The following TNR variants were observed in gnomAD, a reference collection of about 807,000 sequenced individuals.
The protein encoded by TNR is tenascin R, also known as tenascin-R.
In TNR, 45 loss-of-function variants were observed where a neutral mutation model predicts 150.4. The ratio of observed to expected loss-of-function variants is 0.30; its 90% CI spans 0.24 to 0.38. The LOEUF (loss-of-function observed/expected upper bound fraction) is 0.38, where lower values mean the gene tolerates loss of function less well. Ranked by LOEUF, TNR falls within the 10% of genes least tolerant of loss-of-function variation. The pLI, the probability that TNR is intolerant of heterozygous loss-of-function variation, is 1.00. For missense variants in TNR, 1,544 were observed against 1,759.1 expected (o/e 0.88, Z 2.19); for synonymous variants, 687 against 678.4 (o/e 1.01, Z -0.20).
intron 1 of TNR, among the ~76,000 whole-genome samples, chr1:175,688,625 A>G (rs148757975): frequency 5.9e-5 from 9 of 152,352 alleles, no homozygotes; most frequent in African/African-American, 2.2e-4. Flanking sequence ...TGCAATTTGC[A>G]TGGTGTGGGT....
chr1:175,664,585 C>T (rs1275063499), intron 1 of TNR, among the ~76,000 whole-genome samples: 3 of 152,182 alleles, frequency 2.0e-5, no homozygotes, highest in African/African-American at 4.8e-5. Flanking sequence ...CATCTAGCAC[C>T]TGTGTGAGTC....
chr1:175,365,205 A>T lies in TNR; in HGVS notation c.2392T>A (p.Ser798Thr), dbSNP rs1316734179. The change falls in exon 12 of 23, where the codon TCT becomes ACT. Residue 798 changes from serine (S) to threonine (T), a missense_variant. Around this residue, in one of 2 missense-constraint regions of TNR, gnomAD observed 1,254 missense variants for 1,329.4 expected, o/e 0.94. Transcript: ENST00000367674. The stretch of plus-strand genomic sequence containing the variant: ...AGAATGAGTCTGTCTGCTGGGGGAG[A>T]TGGATCACTCCAAGTGATGTTCACA... ...SSVNITWSDP[S>T]PPADRLILNY... 1.2e-6 allele frequency: 2 copies of T among 1,613,886 alleles called. No individual in the cohort carries two copies. The highest frequency in any genetic ancestry group is 1.7e-6 in the Non-Finnish European group (2 of 1,179,998).
chr1:175,395,000 G>T (rs143889580), intron 5 of TNR, among the ~76,000 whole-genome samples: 27 of 152,234 alleles, frequency 1.8e-4, no homozygotes, highest in African/African-American at 6.3e-4. Flanking sequence ...ATGGTGACCT[G>T]CCTCTCTGCA....
chr1:175,633,679 T>C (rs768062624), intron 1 of TNR, among the ~76,000 whole-genome samples: 3 of 152,124 alleles, frequency 2.0e-5, no homozygotes, highest in Non-Finnish European at 2.9e-5. Flanking sequence ...GTACATTCCA[T>C]ATTATAAATA....
chr1:175,676,800 G>T (rs1420690129), intron 1 of TNR, among the ~76,000 whole-genome samples: 1 of 152,172 alleles, frequency 6.6e-6, no homozygotes, highest in East Asian at 1.9e-4. Context: ...ATGCCACAAA[G>T]AACCACGGGA....
intron 1 of TNR, among the ~76,000 whole-genome samples, chr1:175,664,171 C>T (rs151212738): frequency 2.0e-5 from 3 of 152,332 alleles, no homozygotes; most frequent in East Asian, 1.9e-4. Context: ...TTGTTTTTCT[C>T]CTTGACCAGC....
intron 1 of TNR, among the ~76,000 whole-genome samples, chr1:175,668,609 C>T (rs1391313327): frequency 6.6e-6 from 1 of 152,144 alleles, no homozygotes; most frequent in African/African-American, 2.4e-5. Context: ...TGACACCTGG[C>T]ATCTCAAAAA....
chr1:175,697,108 T>C (rs79221122), intron 1 of TNR, among the ~76,000 whole-genome samples: 3,289 of 151,936 alleles, frequency 0.022, 124 homozygotes, highest in African/African-American at 0.074. Flanking sequence ...TGCGTGTATA[T>C]GTATGTACAT....
intron 1 of TNR, among the ~76,000 whole-genome samples, chr1:175,548,665 T>TTA (rs576928277): frequency 6.8e-6 from 1 of 146,344 alleles, no homozygotes; most frequent in Admixed American, 6.8e-5. Context: ...TAAGCAAAAT[T>TTA]AAAAAAAAAA....
intron 2 of TNR, among the ~76,000 whole-genome samples, chr1:175,447,228 GGGT>G (rs1293557822): frequency 6.6e-6 from 1 of 152,004 alleles, no homozygotes; most frequent in Non-Finnish European, 1.5e-5. Context: ...GGTGAGGAGG[GGGT>G]GGGGAGGGGA....
intron 1 of TNR, among the ~76,000 whole-genome samples, chr1:175,580,532 G>A (rs1355406554): frequency 6.6e-6 from 1 of 152,216 alleles, no homozygotes; most frequent in Non-Finnish European, 1.5e-5. Context: ...AGCCACACAA[G>A]AATAGCAGTC....
chr1:175,519,644 C>G (rs569853953), intron 2 of TNR, among the ~76,000 whole-genome samples: 1 of 152,314 alleles, frequency 6.6e-6, no homozygotes, highest in African/African-American at 2.4e-5. Flanking sequence ...GGCTCCATTA[C>G]AATTCATTAC....
At chr1:175,454,126 T>C (rs1055998131) in intron 2 of TNR, among the ~76,000 whole-genome samples, 4 of 152,294 alleles carry the variant, frequency 2.6e-5, no homozygotes, top group Admixed American at 6.5e-5. Flanking sequence ...TAGTTGTCTG[T>C]CTCTTGGGGT....
chr1:175,450,315 C>T (rs1464096241), intron 2 of TNR, among the ~76,000 whole-genome samples: 7 of 152,210 alleles, frequency 4.6e-5, no homozygotes, highest in Non-Finnish European at 5.9e-5. Context: ...CTCAGAACCT[C>T]ACCCCTCACC....
chr1:175,613,471 C>T (rs980675078), intron 1 of TNR, among the ~76,000 whole-genome samples: 1 of 151,918 alleles, frequency 6.6e-6, no homozygotes, highest in Non-Finnish European at 1.5e-5. Context: ...CCATCCCACC[C>T]CAGAGCCAGT....
chr1:175,370,172 T>C (rs944657268), intron 9 of TNR, among the ~76,000 whole-genome samples: 1 of 152,130 alleles, frequency 6.6e-6, no homozygotes, highest in Non-Finnish European at 1.5e-5. Flanking sequence ...ACTTAACATC[T>C]ATGAACCTCA....
chr1:175,651,751 T>TA (rs1349896204), intron 1 of TNR, among the ~76,000 whole-genome samples: 32 of 151,862 alleles, frequency 2.1e-4, no homozygotes, highest in Non-Finnish European at 4.4e-5. Flanking sequence ...TAAAACTGCG[T>TA]AAGGACAGTG....
chr1:175,686,198 A>G (rs1300158749), intron 1 of TNR, among the ~76,000 whole-genome samples: 1 of 152,218 alleles, frequency 6.6e-6, no homozygotes, highest in Admixed American at 6.5e-5. Flanking sequence ...GCCACACTAA[A>G]GGCCAGTTTC....
intron 1 of TNR, among the ~76,000 whole-genome samples, chr1:175,631,241 G>T (rs957263097): frequency 4.6e-5 from 7 of 152,102 alleles, no homozygotes; most frequent in African/African-American, 7.2e-5. Context: ...ATTTCTTCTG[G>T]CCTTATTTGT....
Sources: gnomAD v4.1 joint callset for allele counts (sites outside exome capture counted in the v4.1 genomes callset) on GRCh38, gnomAD v4.1.1 for gene constraint, gnomAD v4.1.1 regional missense constraint, MANE v1.5 for transcripts, NCBI Gene and HGNC (gene_info 2026-07-23, HGNC 2026-07-21) for gene names.